The following SGCZ variants were observed in gnomAD, a reference collection of about 807,000 sequenced individuals.
SGCZ encodes the protein zeta-sarcoglycan.
SGCZ carries 40 observed loss-of-function variants against 41.3 expected under a neutral mutation model. The observed-to-expected ratio is 0.97, with a 90% CI of 0.75 to 1.26. The LOEUF (loss-of-function observed/expected upper bound fraction) is 1.26. SGCZ is among the 50% of genes most tolerant of loss of function. The pLI is 0.00. For synonymous variants in SGCZ, 206 were observed against 137.5 expected (o/e 1.50, Z -3.49); for missense variants, 552 against 369.8 (o/e 1.49, Z -4.04).
chr8:14,585,287 G>A (rs968908882), intron 1 of SGCZ, among the ~76,000 whole-genome samples: 7 of 152,000 alleles, frequency 4.6e-5, no homozygotes, highest in African/African-American at 1.7e-4. Context: ...TCATATATTT[G>A]TACTATTCAT....
Position 14,330,437 on chromosome 8 carries a change from C to CT in SGCZ, c.235-6234dup, listed in dbSNP as rs564340527. Among the ~76,000 whole-genome samples, 67 of 151,618 alleles carry CT rather than the reference C, an allele frequency of 4.4e-4. 1 individual carries two copies. The highest frequency in any genetic ancestry group is 2.5e-3 in the South Asian group (12 of 4,794). ...TGAAAGTAATCTTTAGCATAATTTTCTTTTTTTTGACAAAGTAGAGGATTA... is the reference window on the plus strand; with the variant it reads ...TGAAAGTAATCTTTAGCATAATTTTCTTTTTTTTTGACAAAGTAGAGGATTA... On this transcript the variant is annotated intron_variant, in intron 2 of 7. Transcript: ENST00000382080.
intron 1 of SGCZ, among the ~76,000 whole-genome samples, chr8:14,625,594 T>G (rs28535487): frequency 0.34 from 51,736 of 151,798 alleles, 9,099 homozygotes; most frequent in East Asian, 0.63. Context: ...TGTTGTTGTT[T>G]TTGTTTTGTT....
chr8:14,343,663 A>C (rs1802789940), intron 2 of SGCZ, among the ~76,000 whole-genome samples: 1 of 152,210 alleles, frequency 6.6e-6, no homozygotes, highest in African/African-American at 2.4e-5. Context: ...TCGGAGCCAT[A>C]GAGGATTGTA....
rs560462125 is a variant in SGCZ, at chr8:14,771,456, T to C, written c.40-216530A>G. Among the ~76,000 whole-genome samples the C allele has an allele frequency of 2.0e-5, 3 of 152,230 alleles. No individual in the cohort carries two copies. In the East Asian group the frequency reaches 5.8e-4, roughly 29 times the overall value. On this transcript the variant is annotated intron_variant, in intron 1 of 7. Transcript: ENST00000382080. ...TACTTTCAATTACAGAAAGAAAATA[T>C]TTGATTTTTTGTTTTACTTGAATTA... is the stretch of plus-strand genomic sequence containing the variant.
At chr8:14,543,173 A>G (rs1029205093) in intron 2 of SGCZ, among the ~76,000 whole-genome samples, 1 of 152,058 alleles carries the variant, frequency 6.6e-6, no homozygotes, top group African/African-American at 2.4e-5. Context: ...TATGATTAAA[A>G]TAAAACTATG....
At position 14,242,118 on chromosome 8, in the gene SGCZ, T is replaced by A. The variant is rs535628027; in HGVS notation, c.337-4439A>T. ...TAACAATCATACAAACAGAGAATAT[T>A]AACAGGAACAGGCTGGTGTGACAGA... On this transcript the variant is annotated intron_variant, in intron 3 of 7. Transcript: ENST00000382080. 4.6e-5 allele frequency among the ~76,000 whole-genome samples: 7 copies of A among 152,218 alleles called. No individual in the cohort carries two copies. The South Asian group carries it at 1.2e-3, about 27-fold the overall frequency.
intron 1 of SGCZ, among the ~76,000 whole-genome samples, chr8:14,698,999 T>C (rs1054924558): frequency 1.3e-5 from 2 of 151,800 alleles, no homozygotes; most frequent in Non-Finnish European, 2.9e-5. Flanking sequence ...TAAACTATGA[T>C]AAAAGTTAGA....
At chr8:14,977,523 A>G (rs768438439) in intron 1 of SGCZ, among the ~76,000 whole-genome samples, 3 of 152,196 alleles carry the variant, frequency 2.0e-5, no homozygotes, top group Non-Finnish European at 4.4e-5. Context: ...TTTAACAAAG[A>G]GAGTTTATTA....
intron 2 of SGCZ, among the ~76,000 whole-genome samples, chr8:14,386,809 A>C (rs1237434564): frequency 6.6e-6 from 1 of 152,208 alleles, no homozygotes; most frequent in East Asian, 1.9e-4. Context: ...TTAGACAAGA[A>C]AAATTCAAGT....
Position 14,088,027 on chromosome 8 carries a change from G to A in SGCZ, c.*2416C>T, listed in dbSNP as rs1801575075. On this transcript the variant is annotated 3_prime_UTR_variant, in exon 8 of 8. Coordinates refer to ENST00000382080, the MANE Select transcript of SGCZ (RefSeq NM_139167.4). ...CTCAGAATGCATTTGAATTAAAAAT[G>A]TGTCAGTCCCTCACTGGAATCGGTT... Among the ~76,000 whole-genome samples the A allele has an allele frequency of 1.3e-5, 2 of 151,680 alleles. No individual in the cohort carries two copies. The highest frequency in any genetic ancestry group is 3.0e-5 in the Non-Finnish European group (2 of 67,788).
intron 1 of SGCZ, among the ~76,000 whole-genome samples, chr8:15,094,945 C>T (rs1183498841): frequency 6.6e-6 from 1 of 152,114 alleles, no homozygotes; most frequent in East Asian, 1.9e-4. Context: ...ATTACCCAGT[C>T]TCGGGTATTT....
intron 1 of SGCZ, among the ~76,000 whole-genome samples, chr8:14,904,304 A>G (rs1799061350): frequency 6.6e-6 from 1 of 152,102 alleles, no homozygotes; most frequent in Non-Finnish European, 1.5e-5. Context: ...TTTCAAGGAC[A>G]GAAAGGATAG....
intron 2 of SGCZ, among the ~76,000 whole-genome samples, chr8:14,374,536 T>C (rs937273535): frequency 2.0e-5 from 3 of 151,610 alleles, no homozygotes; most frequent in African/African-American, 7.3e-5. Flanking sequence ...AGATGTTAGG[T>C]GAATAAAGAG....
chr8:14,279,755 A>G (rs982725008), intron 3 of SGCZ, among the ~76,000 whole-genome samples: 2 of 152,012 alleles, frequency 1.3e-5, no homozygotes. Context: ...TCACAGCCTC[A>G]TTAACAACCA....
At chr8:14,448,213 C>T (rs1420134207) in intron 2 of SGCZ, among the ~76,000 whole-genome samples, 1 of 152,172 alleles carries the variant, frequency 6.6e-6, no homozygotes, top group Non-Finnish European at 1.5e-5. Flanking sequence ...TTACCAACTG[C>T]AATATTCTGC....
At chr8:14,844,991 G>C (rs756913047) in intron 1 of SGCZ, among the ~76,000 whole-genome samples, 8 of 152,142 alleles carry the variant, frequency 5.3e-5, no homozygotes, top group Non-Finnish European at 1.2e-4. Context: ...AGTTTAGGTG[G>C]AAAAGGCAGC....
At chr8:14,606,658 G>C (rs961907193) in intron 1 of SGCZ, among the ~76,000 whole-genome samples, 1 of 152,078 alleles carries the variant, frequency 6.6e-6, no homozygotes, top group African/African-American at 2.4e-5. Context: ...TCCCTTACTA[G>C]ACTAACATTC....
Position 14,762,524 on chromosome 8 carries a change from A to C in SGCZ, c.40-207598T>G, listed in dbSNP as rs553162960. On this transcript the variant is annotated intron_variant, in intron 1 of 7. Coordinates refer to ENST00000382080, the MANE Select transcript of SGCZ (RefSeq NM_139167.4). ...GCGCCCAACATATAGTAAGTACTGA[A>C]TGAATAGGGAGGTTTATTACACAAA... 2.0e-4 allele frequency among the ~76,000 whole-genome samples: 30 copies of C among 152,340 alleles called. 1 individual carries two copies. The South Asian group carries it at 5.8e-3, about 29-fold the overall frequency.
chr8:15,127,806 G>T (rs531483724), intron 1 of SGCZ, among the ~76,000 whole-genome samples: 2 of 152,028 alleles, frequency 1.3e-5, no homozygotes, highest in Non-Finnish European at 2.9e-5. Context: ...AAATAGAAAA[G>T]AAATTCCAAA....
Sources: gnomAD v4.1 joint callset for allele counts (sites outside exome capture counted in the v4.1 genomes callset) on GRCh38, gnomAD v4.1.1 for gene constraint, MANE v1.5 for transcripts, NCBI Gene and HGNC (gene_info 2026-07-23, HGNC 2026-07-21) for gene names.